Variants in RARB observed in about 807,000 individuals in gnomAD.
RARB encodes retinoic acid receptor beta.
A neutral mutation model predicts 51.9 loss-of-function variants in RARB; 17 were observed. The observed-to-expected ratio is 0.33, with a 90% CI of 0.22 to 0.49. The LOEUF (loss-of-function observed/expected upper bound fraction) is 0.49. RARB is among the 20% of genes least tolerant of loss of function. The pLI, the probability that RARB is intolerant of heterozygous loss-of-function variation, is 0.99. For synonymous variants in RARB, 215 were observed against 195.4 expected, an observed-to-expected ratio of 1.10 and a Z score of -0.84; for missense variants, 369 against 550.8, an observed-to-expected ratio of 0.67 and a Z score of 3.30.
intron 5 of RARB, among the ~76,000 whole-genome samples, chr3:25,396,831 T>C (rs879197017): frequency 1.3e-5 from 2 of 152,114 alleles, no homozygotes; most frequent in African/African-American, 2.4e-5. Context: ...CAGCAGTGAC[T>C]GGCCTTACCC....
At chr3:25,594,826 C>A (rs1362817984) in intron 7 of RARB, 148 bp downstream of exon 7, 61 of 612,764 alleles carry the variant, frequency 1.0e-4, no homozygotes, top group Non-Finnish European at 1.4e-4. Flanking sequence ...GAAATACTAT[C>A]CCTCCCCCCT....
chr3:24,931,178 G>C (rs939620674), intron 2 of RARB, among the ~76,000 whole-genome samples: 4 of 151,928 alleles, frequency 2.6e-5, no homozygotes, highest in Non-Finnish European at 5.9e-5. Flanking sequence ...GTATTCTAGG[G>C]AGAGCCATTG....
intron 5 of RARB, among the ~76,000 whole-genome samples, chr3:25,371,995 G>A (rs1224530788): frequency 2.0e-5 from 3 of 152,144 alleles, no homozygotes; most frequent in Middle Eastern, 3.2e-3. Context: ...AGCTGCCACC[G>A]ATAGTCTTAA....
At chr3:25,123,643 C>T (rs1324655289) in intron 3 of RARB, among the ~76,000 whole-genome samples, 11 of 152,148 alleles carry the variant, frequency 7.2e-5, no homozygotes, top group Non-Finnish European at 1.6e-4. Context: ...AAACTAAAAA[C>T]TTCTTGTTTA....
At chr3:25,134,557 G>T (rs1034621455) in intron 4 of RARB, among the ~76,000 whole-genome samples, 1 of 151,884 alleles carries the variant, frequency 6.6e-6, no homozygotes, top group Admixed American at 6.6e-5. Flanking sequence ...ATCATTCAAA[G>T]GTGTTAGCTA....
chr3:25,553,589 C>G (rs564462118), intron 3 of RARB, among the ~76,000 whole-genome samples: 62 of 152,174 alleles, frequency 4.1e-4, no homozygotes, highest in Non-Finnish European at 7.2e-4. Flanking sequence ...GAATGTGGAG[C>G]AATCAATAAA....
At chr3:25,204,042 TCTC>T in intron 5 of RARB, among the ~76,000 whole-genome samples, 1 of 152,326 alleles carries the variant, frequency 6.6e-6, no homozygotes, top group South Asian at 2.1e-4. Context: ...TTGGTTCCAT[TCTC>T]CCCATCACTT....
chr3:24,954,992 G>C (rs78955145), intron 2 of RARB, among the ~76,000 whole-genome samples: 164 of 152,288 alleles, frequency 1.1e-3, no homozygotes, highest in African/African-American at 3.6e-3. Context: ...GGACTGCTAA[G>C]TGTTAACCAG....
chr3:25,064,086 A>G (rs765616184), intron 3 of RARB, among the ~76,000 whole-genome samples: 2 of 152,134 alleles, frequency 1.3e-5, no homozygotes, highest in African/African-American at 2.4e-5. Context: ...AGCTTGCCTT[A>G]TTGTAAAAAT....
intron 2 of RARB, among the ~76,000 whole-genome samples, chr3:24,966,179 A>G (rs1420546682): frequency 6.6e-6 from 1 of 151,658 alleles, no homozygotes; most frequent in Non-Finnish European, 1.5e-5. Context: ...ACTTGATTGT[A>G]GAGACATTCC....
At chr3:24,915,444 G>GATATA (rs1559394652) in intron 2 of RARB, among the ~76,000 whole-genome samples, 53 of 152,232 alleles carry the variant, frequency 3.5e-4, no homozygotes, top group Admixed American at 1.2e-3. Context: ...ATTCTGAGGA[G>GATATA]CTATATTTCC....
chr3:24,838,000 C>A (rs1047887343), intron 1 of RARB, among the ~76,000 whole-genome samples: 10 of 152,192 alleles, frequency 6.6e-5, no homozygotes, highest in Admixed American at 4.6e-4. Flanking sequence ...CTACCCTGAA[C>A]TTTTATGTAG....
chr3:25,254,157 A>T (rs1413623452), intron 5 of RARB, among the ~76,000 whole-genome samples: 1 of 152,190 alleles, frequency 6.6e-6, no homozygotes, highest in African/African-American at 2.4e-5. Context: ...ACATAACTTC[A>T]TGAGACATGT....
At chr3:25,392,315 G>A (rs1706988209) in intron 5 of RARB, among the ~76,000 whole-genome samples, 1 of 152,072 alleles carries the variant, frequency 6.6e-6, no homozygotes, top group Non-Finnish European at 1.5e-5. Context: ...TTTGAAATCA[G>A]GTAATGTGAT....
chr3:25,334,817 G>A (rs1020774076), intron 5 of RARB, among the ~76,000 whole-genome samples: 6 of 152,242 alleles, frequency 3.9e-5, no homozygotes, highest in East Asian at 3.9e-4. Flanking sequence ...TTTTGGCACC[G>A]TTTTAATTAT....
chr3:25,152,777 A>G (rs1320816056), intron 4 of RARB, among the ~76,000 whole-genome samples: 1 of 152,176 alleles, frequency 6.6e-6, no homozygotes, highest in South Asian at 2.1e-4. Context: ...ATTTTATGGG[A>G]GTGTATTAAA....
At chr3:25,519,547 A>C (rs1264903418) in intron 3 of RARB, among the ~76,000 whole-genome samples, 1 of 152,164 alleles carries the variant, frequency 6.6e-6, no homozygotes, top group African/African-American at 2.4e-5. Context: ...AATTTAATAA[A>C]AAATTTATTA....
intron 2 of RARB, among the ~76,000 whole-genome samples, chr3:24,950,540 G>C (rs1695866946): frequency 6.6e-6 from 1 of 152,094 alleles, no homozygotes. Flanking sequence ...AAATATCACA[G>C]ATTAGCTTGC....
At chr3:25,526,519 C>T (rs922172838) in intron 3 of RARB, among the ~76,000 whole-genome samples, 1 of 151,738 alleles carries the variant, frequency 6.6e-6, no homozygotes, top group African/African-American at 2.4e-5. Context: ...ATGGCTTGGA[C>T]TAATGGAGTT....
Sources: allele counts gnomAD v4.1 joint callset (sites outside exome capture counted in the v4.1 genomes callset), GRCh38; gene constraint gnomAD v4.1.1; transcripts MANE v1.5; gene names NCBI Gene and HGNC (gene_info 2026-07-23, HGNC 2026-07-21).